GRIA2: variants seen among roughly 807,000 people sequenced by gnomAD.
GRIA2 encodes the protein glutamate receptor 2.
Under a neutral mutation model 97.3 loss-of-function variants are expected in GRIA2, and 14 were observed. The ratio of observed to expected loss-of-function variants is 0.14; its 90% CI spans 0.10 to 0.23. The LOEUF (loss-of-function observed/expected upper bound fraction) is 0.23. Among genes scored for constraint, GRIA2 ranks in the 10% least tolerant of loss-of-function variants. GRIA2 has a pLI of 1.00. For synonymous variants in GRIA2, 412 were observed against 387.8 expected, an observed-to-expected ratio of 1.06 and a Z score of -0.73; for missense variants, 558 against 1,069.8, an observed-to-expected ratio of 0.52 and a Z score of 6.67.
chr4:157,340,985 T>A lies in GRIA2; in HGVS notation c.1845-279T>A, dbSNP rs572118276. On this transcript the variant is annotated intron_variant, in intron 11 of 15. Coordinates refer to ENST00000264426, the MANE Select transcript of GRIA2 (RefSeq NM_001083619.3). Reference sequence around the variant, plus strand: ...TATTTGTAAATTTCTTGAAATTGCTTTCTTATGGGATTCATGTCATAAACT... The same window carrying A: ...TATTTGTAAATTTCTTGAAATTGCTATCTTATGGGATTCATGTCATAAACT... Among the ~76,000 whole-genome samples, 215 of 152,202 alleles carry A rather than the reference T, an allele frequency of 1.4e-3. 1 individual carries two copies. Among genetic ancestry groups the A allele is most frequent in the African/African-American group, 5.0e-3 (207 of 41,546 alleles).
chr4:157,324,478 A>G (rs185493191), intron 6 of GRIA2, among the ~76,000 whole-genome samples: 2 of 152,274 alleles, frequency 1.3e-5, no homozygotes, highest in East Asian at 3.9e-4. Flanking sequence ...TGATTTTGAC[A>G]ATGTTTGGAG....
intron 7 of GRIA2, 103 bp downstream of exon 7, chr4:157,333,089 A>G: frequency 9.8e-7 from 1 of 1,017,950 alleles, no homozygotes; most frequent in Non-Finnish European, 1.4e-6. Context: ...TCTAATATAC[A>G]GGCAATGTTC....
At chr4:157,250,530 C>T (rs1730975210) in intron 2 of GRIA2, among the ~76,000 whole-genome samples, 2 of 152,020 alleles carry the variant, frequency 1.3e-5, no homozygotes, top group African/African-American at 4.8e-5. Flanking sequence ...TCTTTTCATT[C>T]GTTCCTAAAT....
intron 2 of GRIA2, among the ~76,000 whole-genome samples, chr4:157,233,906 T>G (rs1730130370): frequency 1.3e-5 from 2 of 152,156 alleles, no homozygotes; most frequent in Non-Finnish European, 2.9e-5. Flanking sequence ...CAGAAATTTA[T>G]GTGATTTGTT....
chr4:157,256,285 AC>A (rs1371246341), intron 2 of GRIA2, among the ~76,000 whole-genome samples: 6 of 119,776 alleles, frequency 5.0e-5, no homozygotes, highest in African/African-American at 1.9e-4. Context: ...GTTATATATT[AC>A]ATATATTATA....
chr4:157,336,366 T>C lies in GRIA2; in HGVS notation c.1474-11T>C. On this transcript the variant is annotated splice_polypyrimidine_tract_variant and intron_variant, in intron 10 of 15. Coordinates refer to ENST00000264426, the MANE Select transcript of GRIA2 (RefSeq NM_001083619.3). ...TCCAGGTACTATTACTTTCCTTTTTTTCCCTTACAGAAAGCTGATATTGCA... is the reference window on the plus strand; with the variant it reads ...TCCAGGTACTATTACTTTCCTTTTTCTCCCTTACAGAAAGCTGATATTGCA... 1 of 1,526,148 alleles carries C rather than the reference T, an allele frequency of 6.6e-7. No homozygotes were observed. The highest frequency in any genetic ancestry group is 8.8e-7 in the Non-Finnish European group (1 of 1,137,962). The allele number at this position is 1,526,148 out of a possible 1,614,324, so 94.5% of individuals were successfully genotyped here. A position where few individuals can be genotyped will look rare whatever the true frequency, so the allele number is the denominator to read the frequency against.
At chr4:157,281,128 A>T (rs186658213) in intron 2 of GRIA2, among the ~76,000 whole-genome samples, 1 of 152,124 alleles carries the variant, frequency 6.6e-6, no homozygotes, top group Admixed American at 6.6e-5. Flanking sequence ...GCACAGAATA[A>T]CCTCAACAAT....
In GRIA2 at chr4:157,362,868, T is replaced by G. The variant is rs1441938971; in HGVS notation, c.2476T>G (p.Leu826Val). The part of the protein sequence containing the change: ...VFYILVGGLG[L>V]AMLVALIEFC... ...CTACATCCTTGTCGGGGGCCTTGGT[T>G]TGGCAATGCTGGTGGCTTTGATTGA... Residue 826 changes from leucine (L) to valine (V), a missense_variant, in exon 15 of 16, where the codon TTG becomes GTG. Coordinates refer to ENST00000264426, the MANE Select transcript of GRIA2 (RefSeq NM_001083619.3). 6.2e-7 allele frequency: 1 copy of G among 1,613,500 alleles called. No homozygotes were observed. The highest frequency in any genetic ancestry group is 1.7e-4 in the Middle Eastern group (1 of 6,056).
At chr4:157,347,012 T>A (rs1735792337) in intron 12 of GRIA2, among the ~76,000 whole-genome samples, 1 of 152,122 alleles carries the variant, frequency 6.6e-6, no homozygotes, top group Admixed American at 6.5e-5. Context: ...GAACCCATGA[T>A]CTCTGATTTC....
chr4:157,266,859 G>A (rs1458632069), intron 2 of GRIA2, among the ~76,000 whole-genome samples: 1 of 151,998 alleles, frequency 6.6e-6, no homozygotes, highest in Non-Finnish European at 1.5e-5. Flanking sequence ...AGGAGTTCGA[G>A]ATGAGTCTGG....
intron 12 of GRIA2, among the ~76,000 whole-genome samples, chr4:157,352,802 C>T (rs911187711): frequency 3.3e-5 from 5 of 151,454 alleles, no homozygotes; most frequent in African/African-American, 1.2e-4. Flanking sequence ...CCCATAATCC[C>T]AGCACTTTAA....
intron 3 of GRIA2, among the ~76,000 whole-genome samples, chr4:157,307,398 ACTAAT>A (rs1017098382): frequency 3.3e-5 from 5 of 152,126 alleles, no homozygotes; most frequent in African/African-American, 1.2e-4. Context: ...ACCCTCTTTG[ACTAAT>A]CTAAGTTTAC....
chr4:157,274,345 G>A (rs112879697), intron 2 of GRIA2, among the ~76,000 whole-genome samples: 28 of 151,630 alleles, frequency 1.8e-4, no homozygotes, highest in African/African-American at 6.3e-4. Context: ...TTCCAATTTG[G>A]ATACCTTTTA....
intron 12 of GRIA2, among the ~76,000 whole-genome samples, chr4:157,355,784 TATATATTAG>T (rs1320765234): frequency 1.3e-5 from 1 of 76,818 alleles, no homozygotes; most frequent in Non-Finnish European, 2.6e-5. Flanking sequence ...TATATATTTA[TATATATTAG>T]TTATATATAT....
chr4:157,358,689 C>G (rs1223339177), intron 12 of GRIA2, among the ~76,000 whole-genome samples: 1 of 152,046 alleles, frequency 6.6e-6, no homozygotes, highest in East Asian at 1.9e-4. Flanking sequence ...TAAGTCTGAG[C>G]ATCTCTGTTA....
At chr4:157,241,924 A>G (rs962703172) in intron 2 of GRIA2, among the ~76,000 whole-genome samples, 1 of 152,090 alleles carries the variant, frequency 6.6e-6, no homozygotes, top group South Asian at 2.1e-4. Flanking sequence ...CAATGGCATA[A>G]ATAATAAGTC....
chr4:157,251,372 A>AAAAAAAT (rs1482941490), intron 2 of GRIA2, among the ~76,000 whole-genome samples: 1 of 152,106 alleles, frequency 6.6e-6, no homozygotes, highest in Non-Finnish European at 1.5e-5. Context: ...GAAAGGGCAG[A>AAAAAAAT]AAAAAATAAA....
chr4:157,361,040 G>A lies in GRIA2; in HGVS notation c.2322G>A (p.Leu774=). The stretch of plus-strand genomic sequence containing the variant: ...CGGTTAACCTCGCAGTACTAAAACT[G>A]AATGAACAAGGCCTGTTGGACAAAT... ...RNAVNLAVLK[L]NEQGLLDKLK... Residue 774 remains leucine, a synonymous_variant, in exon 14 of 16, where the codon CTG becomes CTA. Transcript: ENST00000264426. This position sits in a 1 kb window ranked among gnomAD's most constrained non-coding sequence, Gnocchi z 5.2. 6.2e-7 allele frequency: 1 copy of A among 1,613,388 alleles called. No homozygotes were observed. The highest frequency in any genetic ancestry group is 8.5e-7 in the Non-Finnish European group (1 of 1,179,378).
At chr4:157,343,138 C>T (rs192726268) in intron 12 of GRIA2, among the ~76,000 whole-genome samples, 16 of 151,960 alleles carry the variant, frequency 1.1e-4, no homozygotes, top group Admixed American at 7.2e-4. Flanking sequence ...AATATGCAAT[C>T]GTGGAGGTTG....
Sources: allele counts gnomAD v4.1 joint callset (sites outside exome capture counted in the v4.1 genomes callset), GRCh38; gene constraint gnomAD v4.1.1; non-coding constraint Gnocchi (gnomAD v3.1); transcripts MANE v1.5; gene names NCBI Gene and HGNC (gene_info 2026-07-23, HGNC 2026-07-21).